PKHD1: variants seen among roughly 807,000 people sequenced by gnomAD.
PKHD1 encodes PKHD1 ciliary IPT domain containing fibrocystin/polyductin, also known as fibrocystin.
In PKHD1, 291 loss-of-function variants were observed where a neutral mutation model predicts 412.0. The ratio of observed to expected loss-of-function variants is 0.71; its 90% CI spans 0.64 to 0.78. The LOEUF is 0.78. Ranked by LOEUF, PKHD1 falls within the 30% of genes least tolerant of loss-of-function variation. PKHD1 has a pLI of 0.00. For missense variants in PKHD1, 4,825 were observed against 4,950.7 expected (o/e 0.97, Z 0.76); for synonymous variants, 1,777 against 1,821.5 (o/e 0.98, Z 0.62).
intron 63 of PKHD1, among the ~76,000 whole-genome samples, chr6:51,646,392 C>T (rs943152948): frequency 2.0e-5 from 3 of 152,128 alleles, no homozygotes; most frequent in African/African-American, 4.8e-5. Flanking sequence ...AGATTGACTG[C>T]ACACAATAGG....
At chr6:52,078,757 G>C (rs948227411) in intron 5 of PKHD1, among the ~76,000 whole-genome samples, 3 of 152,160 alleles carry the variant, frequency 2.0e-5, no homozygotes, top group Non-Finnish European at 4.4e-5. Flanking sequence ...AAGGATCATG[G>C]TGATTAATGC....
chr6:51,858,577 T>G (rs1773672135), intron 48 of PKHD1, among the ~76,000 whole-genome samples: 2 of 152,166 alleles, frequency 1.3e-5, no homozygotes, highest in East Asian at 3.8e-4. Flanking sequence ...AGTATATCCT[T>G]CCAGTTTTTA....
intron 65 of PKHD1, among the ~76,000 whole-genome samples, chr6:51,631,147 A>C (rs1034021870): frequency 1.3e-5 from 2 of 152,154 alleles, no homozygotes; most frequent in African/African-American, 4.8e-5. Context: ...TTAGATACCA[A>C]ATGGAAGATG....
At chr6:52,016,422 G>A (rs1338221677) in intron 34 of PKHD1, among the ~76,000 whole-genome samples, 1 of 152,108 alleles carries the variant, frequency 6.6e-6, no homozygotes, top group African/African-American at 2.4e-5. Context: ...GATTGCTTGA[G>A]CTCAGGAGTT....
intron 51 of PKHD1, among the ~76,000 whole-genome samples, chr6:51,833,080 T>G (rs980101063): frequency 2.0e-5 from 3 of 152,176 alleles, no homozygotes; most frequent in African/African-American, 7.2e-5. Context: ...AAGGGGTATT[T>G]GTCAGGGTGA....
chr6:51,996,169 CTTTTTTTTTT>C (rs11392839), intron 35 of PKHD1, among the ~76,000 whole-genome samples: 1 of 98,960 alleles, frequency 1.0e-5, no homozygotes, highest in African/African-American at 3.7e-5. Context: ...CGACGCCTGG[CTTTTTTTTTT>C]TTTTTTTTTT....
intron 35 of PKHD1, among the ~76,000 whole-genome samples, chr6:51,985,070 CT>C (rs1796043574): frequency 6.6e-6 from 1 of 151,030 alleles, no homozygotes; most frequent in African/African-American, 2.4e-5. Context: ...AAAATGAAAT[CT>C]TCATATGTTC....
In PKHD1 at chr6:51,990,249, C is replaced by T. The variant is rs565392823; in HGVS notation, c.5751+20060G>A. On this transcript the variant is annotated intron_variant, in intron 35 of 66. Transcript: ENST00000371117. ...CACTAGGGCTGATAGTGGCATCAAT[C>T]GTAGCCTGACACGAGCTGGGGTCAA... Among the ~76,000 whole-genome samples the T allele has an allele frequency of 2.6e-5, 4 of 152,070 alleles. No homozygotes were observed. The South Asian group carries it at 6.2e-4, about 24-fold the overall frequency.
At chr6:51,745,669 A>G (rs1785099315) in intron 59 of PKHD1, among the ~76,000 whole-genome samples, 1 of 152,170 alleles carries the variant, frequency 6.6e-6, no homozygotes, top group Non-Finnish European at 1.5e-5. Context: ...GTGCCACTGC[A>G]CTTCAACCTG....
chr6:51,935,746 TCAAA>T (rs1787372641), intron 36 of PKHD1, among the ~76,000 whole-genome samples: 1 of 152,220 alleles, frequency 6.6e-6, no homozygotes, highest in South Asian at 2.1e-4. Flanking sequence ...CTGTTAGTTC[TCAAA>T]CAGGCCTCAG....
chr6:52,074,549 A>G (rs763785070), intron 6 of PKHD1, among the ~76,000 whole-genome samples: 1 of 152,222 alleles, frequency 6.6e-6, no homozygotes, highest in Non-Finnish European at 1.5e-5. Context: ...TTTGACAGGC[A>G]CAATTTTAAA....
At chr6:52,028,459 G>T in intron 29 of PKHD1, 108 bp from the exon 30 acceptor site, 1 of 980,558 alleles carries the variant, frequency 1.0e-6, no homozygotes, top group Non-Finnish European at 1.6e-6. Context: ...TCACCCCTAT[G>T]CATAATACTC....
chr6:52,012,248 T>A (rs1261122165), intron 34 of PKHD1, among the ~76,000 whole-genome samples: 1 of 152,186 alleles, frequency 6.6e-6, no homozygotes, highest in Admixed American at 6.5e-5. Context: ...ATGAAGCATA[T>A]AAATAGATTA....
At chr6:51,681,409 A>T (rs993933743) in intron 60 of PKHD1, among the ~76,000 whole-genome samples, 1 of 152,060 alleles carries the variant, frequency 6.6e-6, no homozygotes, top group Non-Finnish European at 1.5e-5. Context: ...TTGCCCCTTA[A>T]CTAGCAAATA....
rs149486694 is a variant in PKHD1, at chr6:51,659,657, C to G, written c.10469G>C (p.Ser3490Thr). The G allele has an allele frequency of 5.0e-5, 80 of 1,613,762 alleles. No homozygotes were observed. Among genetic ancestry groups the G allele is most frequent in the Middle Eastern group, 3.3e-4 (2 of 6,058 alleles). Reference protein sequence around the residue: ...VLRFFLLGNKSTSKLLLAVFY... With the variant: ...VLRFFLLGNKTTSKLLLAVFY... ...TACAGCCAAGAGAAGCTTGGAGGTA[C>G]TTTTGTTCCCCAATAGAAAAAAGCG... Residue 3490 changes from serine to threonine, a missense_variant, in exon 61 of 67, where the codon AGT becomes ACT. Transcript: ENST00000371117.
At chr6:51,753,109 T>G in intron 57 of PKHD1, 92 bp downstream of exon 57, 3 of 1,155,338 alleles carry the variant, frequency 2.6e-6, no homozygotes, top group Non-Finnish European at 3.8e-6. Flanking sequence ...CATTTTGTTT[T>G]ATAAATGAAA....
rs199527252 is a variant in PKHD1 at position 52,058,557 on chromosome 6, G to A, written c.1278C>T (p.Asp426=). ...CTTCATCCCTATTCTGCTCCCAGGA[G>A]TCAAACCAGTCAGCAGTGCCGACGC... The part of the protein sequence containing the change: ...SISVGTADWF[D]SWEQNRDEGT... Residue 426 remains aspartate (D), a synonymous_variant, in exon 16 of 67, where the codon GAC becomes GAT. Transcript: ENST00000371117. The A allele has an allele frequency of 6.2e-7, 1 of 1,614,156 alleles. No individual in the cohort carries two copies. Among genetic ancestry groups the A allele is most frequent in the Non-Finnish European group, 8.5e-7 (1 of 1,180,022 alleles).
chr6:52,017,055 A>G (rs1800650919), intron 34 of PKHD1, among the ~76,000 whole-genome samples: 2 of 152,234 alleles, frequency 1.3e-5, no homozygotes. Flanking sequence ...AAGAAAAGAA[A>G]AAGGAAAGCG....
intron 35 of PKHD1, among the ~76,000 whole-genome samples, chr6:51,982,213 C>A (rs1344870343): frequency 5.0e-4 from 15 of 30,080 alleles, no homozygotes; most frequent in African/African-American, 6.9e-4. Flanking sequence ...GCCCGGCCAG[C>A]CGCCCCATCC....
Sources: gnomAD v4.1 joint callset for allele counts (sites outside exome capture counted in the v4.1 genomes callset) on GRCh38, gnomAD v4.1.1 for gene constraint, MANE v1.5 for transcripts, NCBI Gene and HGNC (gene_info 2026-07-23, HGNC 2026-07-21) for gene names.